COL12A1: variants seen among roughly 807,000 people sequenced by gnomAD.
COL12A1 encodes collagen type XII alpha 1 chain, also known as collagen alpha-1(XII) chain.
In COL12A1, 114 loss-of-function variants were observed where a neutral mutation model predicts 349.7. The observed-to-expected ratio is 0.33, with a 90% CI of 0.28 to 0.38. The LOEUF (loss-of-function observed/expected upper bound fraction) is 0.38, where lower values mean the gene tolerates loss of function less well. Among genes scored for constraint, COL12A1 ranks in the 10% least tolerant of loss-of-function variants. The pLI, the probability that COL12A1 is intolerant of heterozygous loss-of-function variation, is 1.00. For synonymous variants in COL12A1, 1,369 were observed against 1,329.0 expected, an observed-to-expected ratio of 1.03 and a Z score of -0.66; for missense variants, 3,284 against 3,756.9, an observed-to-expected ratio of 0.87 and a Z score of 3.29.
At chr6:75,155,587 A>G in intron 16 of COL12A1, 75 bp downstream of exon 16, 1 of 1,390,132 alleles carries the variant, frequency 7.2e-7, no homozygotes, top group Non-Finnish European at 9.9e-7. Context: ...TGTAAAGCCT[A>G]CTAATTTACA....
At position 75,130,368 on chromosome 6, in the gene COL12A1, A is replaced by G. The variant is rs1259490826; in HGVS notation, c.6068-135T>C. ...CTCCCATATAATAAAATATACATTT[A>G]TGGTTTTAATGTGAAATCATAAACA... is the stretch of plus-strand genomic sequence containing the variant. On this transcript the variant is annotated intron_variant, in intron 36 of 65. Coordinates refer to ENST00000322507, the MANE Select transcript of COL12A1 (RefSeq NM_004370.6). The G allele has an allele frequency of 5.5e-6, 5 of 901,318 alleles. No homozygotes were observed. In the East Asian group the frequency reaches 1.3e-4, roughly 24 times the overall value. The allele number at this position is 901,318 out of a possible 1,614,324, so 55.8% of individuals were successfully genotyped here.
intron 31 of COL12A1, among the ~76,000 whole-genome samples, chr6:75,136,353 G>GCATCACACTACCTAAGACTGGAGCT (rs1158538206): frequency 3.3e-5 from 5 of 152,038 alleles, no homozygotes; most frequent in African/African-American, 7.3e-5. Flanking sequence ...CAGTCCAAAT[G>GCATCACACTACCTAAGACTGGAGCT]CATCACACTA....
rs752652515 is a variant in COL12A1, at chr6:75,181,216, T to TAA, written c.1892-6_1892-5insTT. On this transcript the variant is annotated splice_polypyrimidine_tract_variant and splice_region_variant and intron_variant, in intron 10 of 65. Coordinates refer to ENST00000322507, the MANE Select transcript of COL12A1 (RefSeq NM_004370.6). Reference sequence around the variant, plus strand: ...GATCCTTTGGAGGGACGTAAGCTATTTAAAAAAAAAAAAAGACAGTTAAAA... The same window carrying TAA: ...GATCCTTTGGAGGGACGTAAGCTATTAATAAAAAAAAAAAAAGACAGTTAAAA... 6.4e-6 allele frequency: 9 copies of TAA among 1,407,826 alleles called. No individual in the cohort carries two copies. Among genetic ancestry groups the TAA allele is most frequent in the African/African-American group, 2.3e-5 (1 of 42,978 alleles). 87.2% of individuals were successfully genotyped at this position (1,407,826 alleles called of 1,614,324 possible). A position where few individuals can be genotyped will look rare whatever the true frequency, so the allele number is the denominator to read the frequency against.
chr6:75,131,253 T>G lies in COL12A1; in HGVS notation c.5938-272A>C, dbSNP rs2297531. ...GTTATAAAGATTCTCAAATATAACATGCAAAGCTCATGATATTTCCCCAAA... is the reference window on the plus strand; with the variant it reads ...GTTATAAAGATTCTCAAATATAACAGGCAAAGCTCATGATATTTCCCCAAA... On this transcript the variant is annotated intron_variant, in intron 35 of 65. Transcript: ENST00000322507. Among the ~76,000 whole-genome samples the G allele has an allele frequency of 1.1e-3, 168 of 152,302 alleles. 2 individuals carry two copies. The South Asian group carries it at 0.02, about 18-fold the overall frequency.
In COL12A1 at chr6:75,113,747, G is replaced by T. The variant is rs760246080; in HGVS notation, c.7698-3C>A. The T allele has an allele frequency of 3.8e-6, 6 of 1,564,080 alleles. No homozygotes were observed. The highest frequency in any genetic ancestry group is 5.2e-6 in the Non-Finnish European group (6 of 1,154,172). On this transcript the variant is annotated splice_region_variant and splice_polypyrimidine_tract_variant and intron_variant, in intron 49 of 65. Transcript: ENST00000322507. ...GGAGTCCATTTGGGTGTAGGTCTCT[G>T]TTGGATAAAACAAAAGAAAGAAAAA...
In COL12A1 at chr6:75,189,649, A is replaced by G. The variant is rs776044625; in HGVS notation, c.561T>C (p.Asp187=). The G allele has an allele frequency of 1.9e-6, 3 of 1,613,408 alleles. No homozygotes were observed. The highest frequency in any genetic ancestry group is 2.5e-6 in the Non-Finnish European group (3 of 1,179,482). ...TRVGVVQYSS[D]TRTEFNLNQY... is the part of the protein sequence containing the mutation. ...GATTTAAGTTAAATTCAGTCCTGGT[A>G]TCAGAGCTGTATTGAACAACTCCAA... The change falls in exon 6 of 66, where the codon GAT becomes GAC. Residue 187 remains aspartate, a synonymous_variant. Coordinates refer to ENST00000322507, the MANE Select transcript of COL12A1 (RefSeq NM_004370.6).
At position 75,084,403 on chromosome 6, in the gene COL12A1, T is replaced by A. The variant is rs1017242889; in HGVS notation, c.*2144A>T. 6.5e-6 allele frequency: 1 copy of A among 152,682 alleles called. No individual in the cohort carries two copies. Among genetic ancestry groups the A allele is most frequent in the Non-Finnish European group, 1.5e-5 (1 of 68,050 alleles). 9.5% of individuals were successfully genotyped at this position (152,682 alleles called of 1,614,324 possible). A position where few individuals can be genotyped will look rare whatever the true frequency, so the allele number is the denominator to read the frequency against. ...TAATATAAGGCAGTGAAATTCACAA[T>A]CTGCAGTTAAAATATAAAAGCAGCA... On this transcript the variant is annotated 3_prime_UTR_variant, in exon 66 of 66. Coordinates refer to ENST00000322507, the MANE Select transcript of COL12A1 (RefSeq NM_004370.6).
chr6:75,107,925 G>C (rs1001477603), intron 52 of COL12A1, among the ~76,000 whole-genome samples: 3 of 152,080 alleles, frequency 2.0e-5, no homozygotes, highest in Non-Finnish European at 4.4e-5. Flanking sequence ...CTATATTGTG[G>C]AATAAAAATT....
intron 58 of COL12A1, among the ~76,000 whole-genome samples, chr6:75,098,154 T>C (rs992665182): frequency 1.3e-5 from 2 of 152,144 alleles, no homozygotes; most frequent in African/African-American, 4.8e-5. Flanking sequence ...GAATATACAT[T>C]AAACATAAAT....
chr6:75,173,656 T>C (rs1768760617), intron 13 of COL12A1, among the ~76,000 whole-genome samples: 1 of 152,256 alleles, frequency 6.6e-6, no homozygotes, highest in South Asian at 2.1e-4. Flanking sequence ...ATTACAGGCG[T>C]GAGCCACCAC....
In COL12A1 at chr6:75,134,767, G is replaced by A. The variant is rs373011926; in HGVS notation, c.5483C>T (p.Pro1828Leu). Residue 1828 changes from proline to leucine, a missense_variant, in exon 32 of 66, where the codon CCT becomes CTT. This residue lies in a region of COL12A1 where 2,601 missense variants were observed against 2,824.8 expected (regional missense o/e 0.92). Transcript: ENST00000322507. ...CGTCATCCGACCTCCTTCACCATCA[G>A]GATACAGAGAGGATACGGTGATAGT... ...PYTITVSSLY[P>L]DGEGGRMTGR... The A allele has an allele frequency of 9.3e-6, 15 of 1,612,104 alleles. No individual in the cohort carries two copies. The African/African-American group carries it at 2.0e-4, about 22-fold the overall frequency.
chr6:75,092,194 G>T (rs1767803491), intron 60 of COL12A1, among the ~76,000 whole-genome samples: 1 of 152,056 alleles, frequency 6.6e-6, no homozygotes, highest in Non-Finnish European at 1.5e-5. Context: ...CAGGCCTGTT[G>T]GGGGGTCAGG....
At chr6:75,127,090 C>A (rs1412637904) in intron 38 of COL12A1, among the ~76,000 whole-genome samples, 3 of 152,058 alleles carry the variant, frequency 2.0e-5, no homozygotes, top group Non-Finnish European at 4.4e-5. Context: ...TGAAAAACTT[C>A]TTTTTCATAA....
At chr6:75,112,782 A>G (rs1160561231) in intron 51 of COL12A1, among the ~76,000 whole-genome samples, 2 of 151,710 alleles carry the variant, frequency 1.3e-5, no homozygotes, top group African/African-American at 2.4e-5. Flanking sequence ...AAATACAAGC[A>G]GAAGAAATAT....
At chr6:75,200,555 A>G (rs926747726) in intron 2 of COL12A1, among the ~76,000 whole-genome samples, 2 of 152,212 alleles carry the variant, frequency 1.3e-5, no homozygotes, top group African/African-American at 4.8e-5. Flanking sequence ...CCTGGGCAAC[A>G]GAGCGAGACT....
rs773883741 is a variant in COL12A1, at chr6:75,142,098, T to C, written c.4891A>G (p.Thr1631Ala). ...LKDLFSQTLYTVSVSAVHDEG... is the reference protein window; with the variant it reads ...LKDLFSQTLYAVSVSAVHDEG... ...TCATGTACTGCAGAAACGCTGACTG[T>C]GTACAAGGTCTGTGAGAAGAGGTCT... is the stretch of plus-strand genomic sequence containing the variant. The change falls in exon 27 of 66, where the codon ACA (threonine) becomes GCA (alanine). Residue 1631 changes from threonine to alanine, a missense_variant. Transcript: ENST00000322507. 6.2e-7 allele frequency: 1 copy of C among 1,614,146 alleles called. No individual in the cohort carries two copies. The highest frequency in any genetic ancestry group is 1.1e-5 in the South Asian group (1 of 91,086).
chr6:75,111,115 A>T (rs1043865456), intron 51 of COL12A1, among the ~76,000 whole-genome samples: 1 of 151,954 alleles, frequency 6.6e-6, no homozygotes. Context: ...GGAACATCTC[A>T]TTATACAGCT....
chr6:75,180,252 C>A (rs1769193036), intron 11 of COL12A1, among the ~76,000 whole-genome samples: 1 of 152,182 alleles, frequency 6.6e-6, no homozygotes, highest in African/African-American at 2.4e-5. Context: ...ATAATCCAGG[C>A]ACAACAAGAC....
chr6:75,156,040 A>G (rs1371258650), intron 15 of COL12A1, among the ~76,000 whole-genome samples, 186 bp from the exon 16 acceptor site: 1 of 152,218 alleles, frequency 6.6e-6, no homozygotes, highest in African/African-American at 2.4e-5. Context: ...AATTCTCACA[A>G]TTCAGATTAG....
Sources: allele counts gnomAD v4.1 joint callset (sites outside exome capture counted in the v4.1 genomes callset), GRCh38; gene constraint gnomAD v4.1.1; regional missense constraint gnomAD v4.1.1; transcripts MANE v1.5; gene names NCBI Gene and HGNC (gene_info 2026-07-23, HGNC 2026-07-21).